Variants in EPAS1 observed in about 807,000 individuals in gnomAD.
The protein encoded by EPAS1 is endothelial PAS domain-containing protein 1.
EPAS1 carries 23 observed loss-of-function variants against 87.9 expected under a neutral mutation model. That is an observed-to-expected ratio of 0.26 (90% confidence interval 0.19 to 0.37). The LOEUF is 0.37. Among genes scored for constraint, EPAS1 ranks in the 10% least tolerant of loss-of-function variants. EPAS1 has a pLI of 1.00. For missense variants in EPAS1, 1,138 were observed against 1,120.7 expected (o/e 1.02, Z -0.22); for synonymous variants, 508 against 444.3 (o/e 1.14, Z -1.80).
intron 1 of EPAS1, among the ~76,000 whole-genome samples, chr2:46,299,685 G>C (rs146359069): frequency 6.6e-6 from 1 of 152,234 alleles, no homozygotes; most frequent in African/African-American, 2.4e-5. Flanking sequence ...ACAAATGTGT[G>C]AAGTGTCAGC....
intron 1 of EPAS1, among the ~76,000 whole-genome samples, chr2:46,324,932 T>C (rs567142637): frequency 6.6e-6 from 1 of 152,390 alleles, no homozygotes; most frequent in South Asian, 2.1e-4. Context: ...GGGCACAGGC[T>C]TTTGCTATAC....
At chr2:46,308,030 C>T (rs185546586) in intron 1 of EPAS1, among the ~76,000 whole-genome samples, 1 of 152,266 alleles carries the variant, frequency 6.6e-6, no homozygotes, top group African/African-American at 2.4e-5. Context: ...CTGCAAGGGA[C>T]CCCACCTCAC....
chr2:46,313,491 C>T (rs1054370889), intron 1 of EPAS1, among the ~76,000 whole-genome samples: 2 of 151,872 alleles, frequency 1.3e-5, no homozygotes, highest in East Asian at 1.9e-4. Context: ...CTCACTCTGT[C>T]GCCAGGCTGC....
chr2:46,354,204 T>A (rs768194800), intron 2 of EPAS1, among the ~76,000 whole-genome samples: 1 of 152,368 alleles, frequency 6.6e-6, no homozygotes, highest in African/African-American at 2.4e-5. Context: ...TTTCACAGCA[T>A]TGATGTGTCC....
intron 1 of EPAS1, among the ~76,000 whole-genome samples, chr2:46,301,578 GAAA>G (rs3053642): frequency 0.031 from 3,824 of 124,160 alleles, 143 homozygotes; most frequent in African/African-American, 0.093. Flanking sequence ...CCGTCTCAAA[GAAA>G]AAAAAAAAAA....
At chr2:46,356,964 T>C (rs926748370) in intron 4 of EPAS1, among the ~76,000 whole-genome samples, 156 bp downstream of exon 4, 3 of 152,074 alleles carry the variant, frequency 2.0e-5, no homozygotes, top group South Asian at 2.1e-4. Flanking sequence ...TGAGATGAGA[T>C]TGGGGCATTG....
chr2:46,338,544 A>G (rs1485617879), intron 1 of EPAS1, among the ~76,000 whole-genome samples: 1 of 152,132 alleles, frequency 6.6e-6, no homozygotes, highest in East Asian at 1.9e-4. Flanking sequence ...ACATCCCTGC[A>G]GTGGATAAGA....
chr2:46,377,184 G>C (rs1684770228), intron 9 of EPAS1, among the ~76,000 whole-genome samples: 1 of 152,212 alleles, frequency 6.6e-6, no homozygotes, highest in African/African-American at 2.4e-5. Context: ...AGTAATGTTG[G>C]GAAGGATCAT....
intron 15 of EPAS1, among the ~76,000 whole-genome samples, chr2:46,382,914 C>T (rs956443853): frequency 4.6e-5 from 7 of 152,284 alleles, no homozygotes; most frequent in Middle Eastern, 3.4e-3. Context: ...ACTGGGTTGG[C>T]GACCCCCAGA....
chr2:46,359,275 A>AAAAAAAAAAAAAAAAAAAAAAAAC (rs1684337542), intron 4 of EPAS1, among the ~76,000 whole-genome samples: 3 of 148,820 alleles, frequency 2.0e-5, no homozygotes, highest in African/African-American at 5.0e-5. Context: ...AAAAAAAAAA[A>AAAAAAAAAAAAAAAAAAAAAAAAC]AAAAAAGATC....
chr2:46,377,198 A>G (rs1253155913), intron 9 of EPAS1, among the ~76,000 whole-genome samples: 1 of 152,240 alleles, frequency 6.6e-6, no homozygotes, highest in African/African-American at 2.4e-5. Context: ...GGATCATTCC[A>G]AAAACACAGA....
rs1468866350 is a variant in EPAS1, at chr2:46,369,857, G to A, written c.810G>A (p.Glu270=). The stretch of plus-strand genomic sequence containing the variant: ...CAGAACTGATTGGTTACCACCCTGA[G>A]GAGCTGCTTGGCCGCTCAGCCTATG... The part of the protein sequence containing the change: ...RITELIGYHP[E]ELLGRSAYEF... The change falls in exon 7 of 16, where the codon GAG becomes GAA. Residue 270 remains glutamate (E), a synonymous_variant. Coordinates refer to ENST00000263734, the MANE Select transcript of EPAS1 (RefSeq NM_001430.5). The A allele has an allele frequency of 6.2e-7, 1 of 1,613,270 alleles. No homozygotes were observed. Among genetic ancestry groups the A allele is most frequent in the South Asian group, 1.1e-5 (1 of 90,758 alleles).
chr2:46,304,056 G>T (rs758333633), intron 1 of EPAS1, among the ~76,000 whole-genome samples: 11 of 152,200 alleles, frequency 7.2e-5, no homozygotes, highest in African/African-American at 1.2e-4. Context: ...TCTGAAAAAT[G>T]ACTGTGAAAA....
At position 46,386,294 on chromosome 2, in the gene EPAS1, G is replaced by C. The variant is rs975402620; in HGVS notation, c.*1634G>C. On this transcript the variant is annotated 3_prime_UTR_variant, in exon 16 of 16. Coordinates refer to ENST00000263734, the MANE Select transcript of EPAS1 (RefSeq NM_001430.5). The stretch of plus-strand genomic sequence containing the variant: ...CAAAGCACATTGGGCCAACTATTTA[G>C]TAAGCCCGGATAGACTTATTGCCAA... 2.6e-5 allele frequency: 4 copies of C among 152,556 alleles called. No individual in the cohort carries two copies. Among genetic ancestry groups the C allele is most frequent in the Admixed American group, 1.3e-4 (2 of 15,288 alleles). The allele number at this position is 152,556 out of a possible 1,614,324, so 9.5% of individuals were successfully genotyped here.
At chr2:46,312,617 T>C (rs2104842973) in intron 1 of EPAS1, among the ~76,000 whole-genome samples, 1 of 152,354 alleles carries the variant, frequency 6.6e-6, no homozygotes, top group South Asian at 2.1e-4. Flanking sequence ...TTGGCTGCAG[T>C]TGGAAGGCAG....
At chr2:46,299,685 G>T (rs146359069) in intron 1 of EPAS1, among the ~76,000 whole-genome samples, 1 of 152,352 alleles carries the variant, frequency 6.6e-6, no homozygotes, top group East Asian at 1.9e-4. Context: ...ACAAATGTGT[G>T]AAGTGTCAGC....
At chr2:46,303,188 C>A (rs927660444) in intron 1 of EPAS1, among the ~76,000 whole-genome samples, 7 of 152,214 alleles carry the variant, frequency 4.6e-5, no homozygotes, top group South Asian at 4.1e-4. Context: ...GTAATAACCG[C>A]CCCCCTCCCC....
intron 6 of EPAS1, among the ~76,000 whole-genome samples, chr2:46,368,209 G>A (rs1419758985): frequency 6.6e-6 from 1 of 152,174 alleles, no homozygotes; most frequent in Non-Finnish European, 1.5e-5. Context: ...AGGACTTCAC[G>A]AGAGACGTTG....
Position 46,376,617 on chromosome 2 carries a change from C to G in EPAS1, c.1113C>G (p.Asn371Lys). The change falls in exon 9 of 16, where the codon AAC becomes AAG. Residue 371 changes from asparagine (N) to lysine (K), a missense_variant. Transcript: ENST00000263734. ...TCAAGCCCCACCTGATGGCCATGAA[C>G]AGCATCTTTGATAGCAGTGGCAAGG... ...SLFKPHLMAM[N>K]SIFDSSGKGA... is the part of the protein sequence containing the mutation. The G allele has an allele frequency of 6.2e-7, 1 of 1,614,198 alleles. No homozygotes were observed. Among genetic ancestry groups the G allele is most frequent in the Non-Finnish European group, 8.5e-7 (1 of 1,180,032 alleles).
Sources: gnomAD v4.1 joint callset for allele counts (sites outside exome capture counted in the v4.1 genomes callset) on GRCh38, gnomAD v4.1.1 for gene constraint, MANE v1.5 for transcripts, NCBI Gene and HGNC (gene_info 2026-07-23, HGNC 2026-07-21) for gene names.